Variants in GRB14 observed in about 807,000 individuals in gnomAD.
The protein encoded by GRB14 is growth factor receptor-bound protein 14.
GRB14 carries 38 observed loss-of-function variants against 69.1 expected under a neutral mutation model. The ratio of observed to expected loss-of-function variants is 0.55; its 90% CI spans 0.42 to 0.72. The LOEUF is 0.72. Among genes scored for constraint, GRB14 ranks in the 30% least tolerant of loss-of-function variants. The pLI is 0.00. For synonymous variants in GRB14, 247 were observed against 241.3 expected (o/e 1.02, Z -0.22); for missense variants, 666 against 666.1 (o/e 1.00, Z 0.00).
chr2:164,614,708 G>A (rs547095435), intron 2 of GRB14, among the ~76,000 whole-genome samples: 219 of 152,246 alleles, frequency 1.4e-3, no homozygotes, highest in Non-Finnish European at 2.6e-3. Flanking sequence ...ACTACAATAT[G>A]TACATGGGTT....
Position 164,547,686 on chromosome 2 carries a change from A to G in GRB14, c.455T>C (p.Phe152Ser), listed in dbSNP as rs145697477. The G allele has an allele frequency of 1.5e-5, 25 of 1,613,614 alleles. No individual in the cohort carries two copies. The African/African-American group carries it at 2.3e-4, about 15-fold the overall frequency. Reference sequence around the variant, plus strand: ...TACACCTATGTGAGGCAGGTGCTCAAAAAGGGTCCAGCTGTGGTCATCAAT... The same window carrying G: ...TACACCTATGTGAGGCAGGTGCTCAGAAAGGGTCCAGCTGTGGTCATCAAT... ...HYIDDHSWTL[F>S]EHLPHIGVER... Residue 152 changes from phenylalanine to serine, a missense_variant, in exon 3 of 14, where the codon TTT (phenylalanine) becomes TCT (serine). Transcript: ENST00000263915.
chr2:164,502,595 T>C (rs1279908351), intron 8 of GRB14, among the ~76,000 whole-genome samples: 1 of 151,962 alleles, frequency 6.6e-6, no homozygotes, highest in Non-Finnish European at 1.5e-5. Flanking sequence ...TATCTACTCA[T>C]TATTCTTAGC....
At chr2:164,557,864 G>T (rs576929755) in intron 2 of GRB14, among the ~76,000 whole-genome samples, 1 of 152,138 alleles carries the variant, frequency 6.6e-6, no homozygotes, top group Admixed American at 6.5e-5. Flanking sequence ...TGTTCCTGGG[G>T]ATCCACAGAG....
chr2:164,512,324 G>A (rs1166760541), intron 6 of GRB14, among the ~76,000 whole-genome samples: 1 of 151,972 alleles, frequency 6.6e-6, no homozygotes, highest in African/African-American at 2.4e-5. Context: ...GTGCCACCAC[G>A]CCTGGCTAAT....
At chr2:164,569,900 G>C (rs1689085607) in intron 2 of GRB14, among the ~76,000 whole-genome samples, 1 of 152,084 alleles carries the variant, frequency 6.6e-6, no homozygotes. Context: ...TACAGCGATG[G>C]GGGGTTAGCA....
At chr2:164,605,513 A>G (rs1489871125) in intron 2 of GRB14, among the ~76,000 whole-genome samples, 1 of 152,210 alleles carries the variant, frequency 6.6e-6, no homozygotes, top group Non-Finnish European at 1.5e-5. Context: ...TCATCCTGGC[A>G]GTAAAATGAA....
intron 3 of GRB14, among the ~76,000 whole-genome samples, chr2:164,537,096 C>T (rs374411513): frequency 2.6e-5 from 4 of 152,234 alleles, no homozygotes; most frequent in African/African-American, 7.2e-5. Context: ...GTGTGTCTCC[C>T]GGCCTGCTGT....
At chr2:164,592,223 C>T (rs1038805355) in intron 2 of GRB14, among the ~76,000 whole-genome samples, 1 of 152,112 alleles carries the variant, frequency 6.6e-6, no homozygotes, top group African/African-American at 2.4e-5. Context: ...CAAGCTCCGC[C>T]TCCCGGGTTC....
intron 2 of GRB14, among the ~76,000 whole-genome samples, chr2:164,553,692 C>T (rs900115596): frequency 3.9e-5 from 6 of 152,120 alleles, no homozygotes; most frequent in South Asian, 2.1e-4. Flanking sequence ...AGGGCCAGTG[C>T]GGTGGCTCAC....
At chr2:164,514,658 T>C (rs1375021657) in intron 6 of GRB14, among the ~76,000 whole-genome samples, 1 of 151,906 alleles carries the variant, frequency 6.6e-6, no homozygotes, top group Non-Finnish European at 1.5e-5. Context: ...CAGCTGAACT[T>C]TGTAACAATT....
intron 2 of GRB14, among the ~76,000 whole-genome samples, chr2:164,553,459 A>G (rs1422514420): frequency 6.6e-6 from 1 of 152,150 alleles, no homozygotes; most frequent in African/African-American, 2.4e-5. Flanking sequence ...AATCCATTTC[A>G]AGCCCTTATT....
intron 2 of GRB14, among the ~76,000 whole-genome samples, chr2:164,570,852 C>G (rs1258907605): frequency 6.6e-6 from 1 of 152,162 alleles, no homozygotes; most frequent in Non-Finnish European, 1.5e-5. Flanking sequence ...CCTAAAAGGG[C>G]TTAAAAACAC....
At chr2:164,499,215 A>C (rs563665299) in intron 9 of GRB14, among the ~76,000 whole-genome samples, 3 of 152,232 alleles carry the variant, frequency 2.0e-5, no homozygotes, top group African/African-American at 7.2e-5. Flanking sequence ...ATTAAGAAAA[A>C]AATAATCAGC....
intron 2 of GRB14, among the ~76,000 whole-genome samples, chr2:164,556,630 GT>G (rs1688683709): frequency 1.3e-5 from 2 of 151,870 alleles, no homozygotes; most frequent in Non-Finnish European, 2.9e-5. Context: ...TTAGAACACG[GT>G]TTCCCTACCC....
At chr2:164,503,852 C>T (rs1178188262) in intron 8 of GRB14, among the ~76,000 whole-genome samples, 1 of 152,118 alleles carries the variant, frequency 6.6e-6, no homozygotes, top group Non-Finnish European at 1.5e-5. Flanking sequence ...GATATATTGT[C>T]CCTGGTACCT....
intron 6 of GRB14, among the ~76,000 whole-genome samples, chr2:164,516,731 C>A (rs1027525490): frequency 1.3e-5 from 2 of 152,164 alleles, no homozygotes; most frequent in Admixed American, 6.5e-5. Flanking sequence ...GAAACAAATC[C>A]TCAAAATACA....
intron 2 of GRB14, among the ~76,000 whole-genome samples, chr2:164,614,205 T>C (rs949172364): frequency 6.6e-6 from 1 of 152,232 alleles, no homozygotes; most frequent in Non-Finnish European, 1.5e-5. Flanking sequence ...AAGTAGCAAA[T>C]TGCCGTTGGA....
chr2:164,555,058 A>T (rs1262262504), intron 2 of GRB14, among the ~76,000 whole-genome samples: 2 of 152,204 alleles, frequency 1.3e-5, no homozygotes, highest in African/African-American at 4.8e-5. Context: ...TTGCTCCCAA[A>T]GCATACTTAG....
chr2:164,502,252 T>C lies in GRB14; in HGVS notation c.1104+3A>G. The C allele has an allele frequency of 6.4e-7, 1 of 1,566,430 alleles. No homozygotes were observed. The highest frequency in any genetic ancestry group is 8.8e-7 in the Non-Finnish European group (1 of 1,138,560). ...AACACAGGCTCAAAAATTTGGTCCT[T>C]ACCATAGGTGATATGCTCTGTGAAC... is the stretch of plus-strand genomic sequence containing the variant. On this transcript the variant is annotated splice_donor_region_variant and intron_variant, in intron 9 of 13. Transcript: ENST00000263915.
Sources: allele counts gnomAD v4.1 joint callset (sites outside exome capture counted in the v4.1 genomes callset), GRCh38; gene constraint gnomAD v4.1.1; transcripts MANE v1.5; gene names NCBI Gene and HGNC (gene_info 2026-07-23, HGNC 2026-07-21).